The following TRPM1 variants were observed in gnomAD, a reference collection of about 807,000 sequenced individuals.
TRPM1 encodes transient receptor potential cation channel subfamily M member 1.
In TRPM1, 113 loss-of-function variants were observed where a neutral mutation model predicts 149.4. The observed-to-expected ratio is 0.76, with a 90% CI of 0.65 to 0.88. The LOEUF (loss-of-function observed/expected upper bound fraction) is 0.88, where lower values mean the gene tolerates loss of function less well. Ranked by LOEUF, TRPM1 falls within the 40% of genes least tolerant of loss-of-function variation. TRPM1 has a pLI of 0.00. For synonymous variants in TRPM1, 741 were observed against 759.5 expected, an observed-to-expected ratio of 0.98 and a Z score of 0.40; for missense variants, 1,976 against 2,038.7, an observed-to-expected ratio of 0.97 and a Z score of 0.59.
intron 11 of TRPM1, among the ~76,000 whole-genome samples, chr15:31,053,184 A>G (rs1279823716): frequency 6.6e-6 from 1 of 152,218 alleles, no homozygotes; most frequent in Non-Finnish European, 1.5e-5. Flanking sequence ...ATCACTAATC[A>G]TTAGGGAAAT....
intron 24 of TRPM1, 105 bp downstream of exon 24, chr15:31,029,266 G>C: frequency 8.1e-7 from 1 of 1,228,314 alleles, no homozygotes; most frequent in African/African-American, 1.5e-5. Flanking sequence ...CAAAAAACAA[G>C]AGAAGTATTT....
In TRPM1 at chr15:31,064,121, C is replaced by T. The variant is rs115947605; in HGVS notation, c.791-829G>A. 2.4e-3 allele frequency among the ~76,000 whole-genome samples: 372 copies of T among 152,346 alleles called. 1 individual carries two copies. The highest frequency in any genetic ancestry group is 8.5e-3 in the African/African-American group (354 of 41,584). On this transcript the variant is annotated intron_variant, in intron 7 of 27. Coordinates refer to ENST00000256552, the MANE Select transcript of TRPM1 (RefSeq NM_001252024.2). Reference sequence around the variant, plus strand: ...TAGACAGCCATTTGTAAAAGGTGAACAATCACAGTGCTTCCTTTAACTCCT... The same window carrying T: ...TAGACAGCCATTTGTAAAAGGTGAATAATCACAGTGCTTCCTTTAACTCCT...
chr15:31,112,724 G>T (rs113203164), intron 1 of TRPM1, among the ~76,000 whole-genome samples: 1 of 152,118 alleles, frequency 6.6e-6, no homozygotes, highest in Non-Finnish European at 1.5e-5. Context: ...TAGAGCTCAG[G>T]CATTCTCAAC....
chr15:31,146,944 T>A (rs1167706143), intron 1 of TRPM1, among the ~76,000 whole-genome samples: 2 of 151,876 alleles, frequency 1.3e-5, no homozygotes, highest in African/African-American at 2.4e-5. Context: ...GCTGAGATCA[T>A]GTTATTGCAC....
chr15:31,131,899 C>T (rs759203176), intron 1 of TRPM1, among the ~76,000 whole-genome samples: 1 of 150,908 alleles, frequency 6.6e-6, no homozygotes, highest in Non-Finnish European at 1.5e-5. Context: ...TCCTCACATA[C>T]TAAAATGACA....
intron 4 of TRPM1, chr15:31,069,418 CAAT>C (rs1252327382): frequency 2.2e-5 from 22 of 998,712 alleles, no homozygotes; most frequent in Non-Finnish European, 2.6e-5. Flanking sequence ...TTTATTTTAA[CAAT>C]GATGTTGGGC....
At chr15:31,104,429 C>A (rs370849427), upstream of TRPM1, among the ~76,000 whole-genome samples, 1 of 152,028 alleles carries the variant, frequency 6.6e-6, no homozygotes, top group Non-Finnish European at 1.5e-5. Flanking sequence ...TAGTTAGTCT[C>A]GAAACCTGTT....
intron 27 of TRPM1, among the ~76,000 whole-genome samples, chr15:31,010,309 G>A (rs971169306): frequency 1.3e-5 from 2 of 152,158 alleles, no homozygotes; most frequent in Admixed American, 6.5e-5. Flanking sequence ...ACCTATGTGC[G>A]TGCAGCCCAG....
At chr15:31,160,788 G>T in intron 1 of TRPM1, 1 of 1,138,946 alleles carries the variant, frequency 8.8e-7, no homozygotes, top group Non-Finnish European at 1.3e-6. Context: ...TGCCCACCCA[G>T]CACAGTTTGG....
Position 31,037,786 on chromosome 15 carries a change from T to A in TRPM1, c.2496A>T (p.Lys832Asn). 6.2e-7 allele frequency: 1 copy of A among 1,614,186 alleles called. No individual in the cohort carries two copies. Among genetic ancestry groups the A allele is most frequent in the South Asian group, 1.1e-5 (1 of 91,084 alleles). The change falls in exon 20 of 28, where the codon AAA (lysine) becomes AAT (asparagine). Residue 832 changes from lysine (K) to asparagine (N), a missense_variant. Physicochemically the swap from Lys to Asn is moderately conservative, Grantham distance 94. Transcript: ENST00000256552. ...TTGTTCCGATGGGAATACTTCTCTG[T>A]TTTTTGTGCTCGTTCTCCTCATCCC... ...RKGDEENEHK[K>N]QRSIPIGTKI...
Position 31,047,230 on chromosome 15 carries a change from G to C in TRPM1, c.1645C>G (p.His549Asp). ...VKKSNLPPDYHISLIDIGLVL... is the reference protein window; with the variant it reads ...VKKSNLPPDYDISLIDIGLVL... ...AGCCCGATGTCTATGAGGCTGATGT[G>C]GTAATCAGGCGGAAGGTTGCTCTGT... is the stretch of plus-strand genomic sequence containing the variant. Residue 549 changes from histidine to aspartate, a missense_variant, in exon 15 of 28, where the codon CAC becomes GAC. Around this residue, in one of 3 missense-constraint regions of TRPM1, gnomAD observed 1,332 missense variants for 1,347.1 expected, o/e 0.99. Coordinates refer to ENST00000256552, the MANE Select transcript of TRPM1 (RefSeq NM_001252024.2). The C allele has an allele frequency of 1.2e-5, 19 of 1,614,218 alleles. No individual in the cohort carries two copies. The highest frequency in any genetic ancestry group is 1.5e-5 in the Non-Finnish European group (18 of 1,180,044).
intron 1 of TRPM1, among the ~76,000 whole-genome samples, chr15:31,140,494 C>T (rs754332429): frequency 6.6e-5 from 10 of 152,174 alleles, no homozygotes; most frequent in Admixed American, 1.3e-4. Context: ...GCCTTTCCCC[C>T]GCCCCAGTGG....
chr15:31,126,708 A>G (rs1445963002), intron 1 of TRPM1, among the ~76,000 whole-genome samples: 1 of 152,180 alleles, frequency 6.6e-6, no homozygotes, highest in Admixed American at 6.6e-5. Context: ...TCAAGCCTGT[A>G]ATCCCAGCAC....
chr15:31,088,888 G>A (rs1458289462), intron 1 of TRPM1, among the ~76,000 whole-genome samples: 3 of 152,012 alleles, frequency 2.0e-5, no homozygotes, highest in African/African-American at 7.3e-5. Flanking sequence ...CCCCGAGCGG[G>A]AGATCAGTGT....
rs555316357 is a variant in TRPM1 at position 31,038,712 on chromosome 15, A to AAAAAT, written c.2317-551_2317-547dup. 1.8e-3 allele frequency among the ~76,000 whole-genome samples: 270 copies of AAAAAT among 152,252 alleles called. 5 individuals carry two copies. The South Asian group carries it at 0.025, about 14-fold the overall frequency. The stretch of plus-strand genomic sequence containing the variant: ...GGGTGACAGAGCAAGACCCTGTCTC[A>AAAAAT]AAAATAAAATAAAATAAAATAAAAT... On this transcript the variant is annotated intron_variant, in intron 18 of 27. Coordinates refer to ENST00000256552, the MANE Select transcript of TRPM1 (RefSeq NM_001252024.2).
intron 18 of TRPM1, among the ~76,000 whole-genome samples, chr15:31,039,498 T>C (rs1326606914): frequency 6.6e-6 from 1 of 152,160 alleles, no homozygotes; most frequent in Non-Finnish European, 1.5e-5. Context: ...AAAATAGATA[T>C]AATACTGCCA....
intron 1 of TRPM1, among the ~76,000 whole-genome samples, chr15:31,085,510 T>C (rs2034976493): frequency 6.6e-6 from 1 of 152,188 alleles, no homozygotes; most frequent in African/African-American, 2.4e-5. Context: ...ACTGTGAAAA[T>C]GTGAGCACAC....
intron 1 of TRPM1, among the ~76,000 whole-genome samples, chr15:31,100,756 T>C (rs2035497465): frequency 6.6e-6 from 1 of 152,208 alleles, no homozygotes; most frequent in Admixed American, 6.5e-5. Context: ...TTATGCCTTT[T>C]TCTCTGTCAT....
At chr15:31,038,226 G>C (rs1279151536) in intron 18 of TRPM1, 60 bp from the exon 19 acceptor site, 2 of 1,592,580 alleles carry the variant, frequency 1.3e-6, no homozygotes, top group Admixed American at 1.7e-5. Context: ...TCCCAGCATA[G>C]TTAAAATTTT....
Sources: gnomAD v4.1 joint callset for allele counts (sites outside exome capture counted in the v4.1 genomes callset) on GRCh38, gnomAD v4.1.1 for gene constraint, gnomAD v4.1.1 regional missense constraint, MANE v1.5 for transcripts, NCBI Gene and HGNC (gene_info 2026-07-23, HGNC 2026-07-21) for gene names.